GFI1: variants seen among roughly 807,000 people sequenced by gnomAD.
The protein encoded by GFI1 is growth factor independent 1 transcriptional repressor.
In GFI1, 15 loss-of-function variants were observed where a neutral mutation model predicts 39.2. The observed-to-expected ratio is 0.38, with a 90% CI of 0.26 to 0.59. The LOEUF is 0.59. Among genes scored for constraint, GFI1 ranks in the 20% least tolerant of loss-of-function variants. The pLI is 0.62. For missense variants in GFI1, 475 were observed against 574.0 expected (o/e 0.83, Z 1.76); for synonymous variants, 239 against 254.3 (o/e 0.94, Z 0.57).
At position 92,480,553 on chromosome 1, in the gene GFI1, G is replaced by T; in HGVS notation, c.786+48C>A. 6.5e-7 allele frequency: 1 copy of T among 1,543,378 alleles called. No individual in the cohort carries two copies. Among genetic ancestry groups the T allele is most frequent in the South Asian group, 1.2e-5 (1 of 83,984 alleles). ...GCGGGGCGCAGGCGAGGCGCGGGTAGGGGAAGCGGGCGCACGGCAGGCGAG... is the reference window on the plus strand; with the variant it reads ...GCGGGGCGCAGGCGAGGCGCGGGTATGGGAAGCGGGCGCACGGCAGGCGAG... On this transcript the variant is annotated intron_variant, in intron 4 of 6. Coordinates refer to ENST00000294702, the MANE Select transcript of GFI1 (RefSeq NM_005263.5). This position sits in a 1 kb window ranked among gnomAD's most constrained non-coding sequence, Gnocchi z 5.6.
Position 92,473,332 on chromosome 1 carries a change from C to T in GFI1, c.*2697G>A, listed in dbSNP as rs762806579. On this transcript the variant is annotated 3_prime_UTR_variant, in exon 7 of 7. Transcript: ENST00000294702. The stretch of plus-strand genomic sequence containing the variant: ...CTAGATTTCAATCAGTTCTACTTAC[C>T]CCTCAGTGCAACTTCTTTACTTTTC... 1.3e-5 allele frequency among the ~76,000 whole-genome samples: 2 copies of T among 152,048 alleles called. No individual in the cohort carries two copies. The highest frequency in any genetic ancestry group is 2.9e-5 in the Non-Finnish European group (2 of 68,016).
Position 92,482,947 on chromosome 1 carries a change from G to T in GFI1, c.215C>A (p.Pro72Gln). The T allele has an allele frequency of 6.2e-7, 1 of 1,613,868 alleles. No individual in the cohort carries two copies. Among genetic ancestry groups the T allele is most frequent in the Non-Finnish European group, 8.5e-7 (1 of 1,179,840 alleles). ...TEAPDRASAS[P>Q]DSCEGSVCER... ...GCAGACGCTGCCTTCGCAGCTGTCTGGGGATGCGGAGGCTCTGTCTGGGGC... is the reference window on the plus strand; with the variant it reads ...GCAGACGCTGCCTTCGCAGCTGTCTTGGGATGCGGAGGCTCTGTCTGGGGC... Residue 72 changes from proline to glutamine, a missense_variant, in exon 3 of 7, where the codon CCA becomes CAA. By Grantham distance (76) the Pro-to-Gln change is moderately conservative. This residue lies in a region of GFI1 where 275 missense variants were observed against 275.8 expected (regional missense o/e 1.00). Transcript: ENST00000294702. This position sits in a 1 kb window ranked among gnomAD's most constrained non-coding sequence, Gnocchi z 4.4.
Position 92,473,465 on chromosome 1 carries a change from G to T in GFI1, c.*2564C>A, listed in dbSNP as rs917971316. On this transcript the variant is annotated 3_prime_UTR_variant, in exon 7 of 7. Transcript: ENST00000294702. Reference sequence around the variant, plus strand: ...ATTGTCTCCCAGGACACTAGGAAGTGGTTCCTGGACGCTGCAACTGTTCAT... The same window carrying T: ...ATTGTCTCCCAGGACACTAGGAAGTTGTTCCTGGACGCTGCAACTGTTCAT... Among the ~76,000 whole-genome samples, 1 of 152,172 alleles carries T rather than the reference G, an allele frequency of 6.6e-6. No homozygotes were observed. Among genetic ancestry groups the T allele is most frequent in the African/African-American group, 2.4e-5 (1 of 41,444 alleles).
Position 92,481,195 on chromosome 1 carries a change from C to T in GFI1, c.299-107G>A. 9.9e-7 allele frequency: 1 copy of T among 1,011,650 alleles called. No individual in the cohort carries two copies. The highest frequency in any genetic ancestry group is 1.5e-6 in the Non-Finnish European group (1 of 667,154). The allele number at this position is 1,011,650 out of a possible 1,614,324, so 62.7% of individuals were successfully genotyped here. A position where few individuals can be genotyped will look rare whatever the true frequency, so the allele number is the denominator to read the frequency against. ...TGTTCGCGGACTGCGGGGCACCCAG[C>T]GCTTGTAGAACACTGCGTGCGCCAG... On this transcript the variant is annotated intron_variant, in intron 3 of 6. Transcript: ENST00000294702. This position sits in a 1 kb window ranked among gnomAD's most constrained non-coding sequence, Gnocchi z 4.3.
At position 92,476,067 on chromosome 1, in the gene GFI1, G is replaced by C; in HGVS notation, c.1231C>G (p.Leu411Val). 6.2e-7 allele frequency: 1 copy of C among 1,614,146 alleles called. No individual in the cohort carries two copies. Residue 411 changes from leucine to valine, a missense_variant, in exon 7 of 7, where the codon CTC becomes GTC. Physicochemically the swap from Leu to Val is conservative, Grantham distance 32. Transcript: ENST00000294702. ...TGCTGCGTCTCCCGGTGCCTTCGGA[G>C]GTCCACCTTCCTCTGGAAACCCTTC... ...CGKGFQRKVD[L>V]RRHRETQHGL...
At chr1:92,485,579 G>C (rs1658490440) in intron 1 of GFI1, among the ~76,000 whole-genome samples, 1 of 152,156 alleles carries the variant, frequency 6.6e-6, no homozygotes, top group Admixed American at 6.5e-5. Context: ...AGGGGCCCCG[G>C]GGCCTGGGCC....
chr1:92,478,214 G>A (rs1378264531), intron 6 of GFI1, among the ~76,000 whole-genome samples: 7 of 152,160 alleles, frequency 4.6e-5, no homozygotes, highest in Non-Finnish European at 8.8e-5. Context: ...AGGTGGTTAG[G>A]GAAAGTCCTC....
chr1:92,482,808 C>G lies in GFI1; in HGVS notation c.298+56G>C. 7.1e-7 allele frequency: 1 copy of G among 1,404,754 alleles called. No homozygotes were observed. The highest frequency in any genetic ancestry group is 1.0e-6 in the Non-Finnish European group (1 of 990,592). 87.0% of individuals were successfully genotyped at this position (1,404,754 alleles called of 1,614,324 possible). A position where few individuals can be genotyped will look rare whatever the true frequency, so the allele number is the denominator to read the frequency against. On this transcript the variant is annotated intron_variant, in intron 3 of 6. Transcript: ENST00000294702. The surrounding 1 kb of genome is among the most constrained non-coding windows in gnomAD (Gnocchi z 4.4). The stretch of plus-strand genomic sequence containing the variant: ...CGCCCAAGGTCGCGCCAATTCCCCC[C>G]CAGCACTGCCGGGTCCCTGCAGCTC...
chr1:92,473,111 C>G lies in GFI1; in HGVS notation c.*2918G>C, dbSNP rs1657804191. On this transcript the variant is annotated 3_prime_UTR_variant, in exon 7 of 7. Coordinates refer to ENST00000294702, the MANE Select transcript of GFI1 (RefSeq NM_005263.5). ...AGAGATATTTGCAATCTTCAAATTT[C>G]ACACGGTAACAGGCACAGTAATTTG... 6.7e-6 allele frequency among the ~76,000 whole-genome samples: 1 copy of G among 149,888 alleles called. No homozygotes were observed. The highest frequency in any genetic ancestry group is 2.1e-4 in the South Asian group (1 of 4,744).
Position 92,484,820 on chromosome 1 carries a change from C to T in GFI1, c.-99-1234G>A, listed in dbSNP as rs1658450366. 1 of 152,382 alleles carries T rather than the reference C, an allele frequency of 6.6e-6. No individual in the cohort carries two copies. Among genetic ancestry groups the T allele is most frequent in the African/African-American group, 2.4e-5 (1 of 41,464 alleles). The allele number at this position is 152,382 out of a possible 1,614,324, so 9.4% of individuals were successfully genotyped here. A position where few individuals can be genotyped will look rare whatever the true frequency, so the allele number is the denominator to read the frequency against. On this transcript the variant is annotated intron_variant, in intron 1 of 6. Transcript: ENST00000294702. This position sits in a 1 kb window ranked among gnomAD's most constrained non-coding sequence, Gnocchi z 4.1. ...GTGAAGGCGATGGTGACCGGGTTCA[C>T]ACGTGAGCTGCAGTACAGCAGTTCT... is the stretch of plus-strand genomic sequence containing the variant.
At position 92,482,873 on chromosome 1, in the gene GFI1, C is replaced by T. The variant is rs771344042; in HGVS notation, c.289G>A (p.Ala97Thr). ...EDFWRPPSPS[A>T]SPASEKSMCP... ...CCCAGTGGGTTCCTACCTGGAGACG[C>T]GGAGGGTGACGGGGGCCTCCAGAAG... is the stretch of plus-strand genomic sequence containing the variant. Residue 97 changes from alanine to threonine, a missense_variant, in exon 3 of 7, where the codon GCG becomes ACG. Physicochemically the swap from Ala to Thr is moderately conservative, Grantham distance 58. Around this residue, in one of 4 missense-constraint regions of GFI1, gnomAD observed 275 missense variants for 275.8 expected, o/e 1.00. Coordinates refer to ENST00000294702, the MANE Select transcript of GFI1 (RefSeq NM_005263.5). This position sits in a 1 kb window ranked among gnomAD's most constrained non-coding sequence, Gnocchi z 4.4. 5.0e-6 allele frequency: 8 copies of T among 1,613,830 alleles called. No homozygotes were observed. The highest frequency in any genetic ancestry group is 5.9e-6 in the Non-Finnish European group (7 of 1,179,856).
Position 92,482,746 on chromosome 1 carries a change from C to T in GFI1, c.298+118G>A. ...TTCCCCTACGAATCAGCTCCCTTCT[C>T]CCGGAAAGACTCTCCAACTCCCCGT... is the stretch of plus-strand genomic sequence containing the variant. On this transcript the variant is annotated intron_variant, in intron 3 of 6. Transcript: ENST00000294702. This position sits in a 1 kb window ranked among gnomAD's most constrained non-coding sequence, Gnocchi z 4.4. 1.2e-6 allele frequency: 1 copy of T among 817,102 alleles called. No homozygotes were observed. Among genetic ancestry groups the T allele is most frequent in the South Asian group, 1.4e-5 (1 of 69,732 alleles). The allele number at this position is 817,102 out of a possible 1,614,324, so 50.6% of individuals were successfully genotyped here. A position where few individuals can be genotyped will look rare whatever the true frequency, so the allele number is the denominator to read the frequency against.
At position 92,480,243 on chromosome 1, in the gene GFI1, G is replaced by A. The variant is rs1045645311; in HGVS notation, c.924+105C>T. 246 of 1,267,918 alleles carry A rather than the reference G, an allele frequency of 1.9e-4. No individual in the cohort carries two copies. The highest frequency in any genetic ancestry group is 2.6e-4 in the Middle Eastern group (1 of 3,882). 78.5% of individuals were successfully genotyped at this position (1,267,918 alleles called of 1,614,324 possible). On this transcript the variant is annotated intron_variant, in intron 5 of 6. Coordinates refer to ENST00000294702, the MANE Select transcript of GFI1 (RefSeq NM_005263.5). The surrounding 1 kb of genome is among the most constrained non-coding windows in gnomAD (Gnocchi z 5.6). Reference sequence around the variant, plus strand: ...GAGGGCTTGGGGGAGGAAACTGGGGGAAGTCGAGGAGAAAACTTCCAGGCA... The same window carrying A: ...GAGGGCTTGGGGGAGGAAACTGGGGAAAGTCGAGGAGAAAACTTCCAGGCA...
chr1:92,483,129 A>G, intron 2 of GFI1, 83 bp from the exon 3 acceptor site: 2 of 1,282,494 alleles, frequency 1.6e-6, no homozygotes, highest in East Asian at 2.5e-5. Flanking sequence ...TCCCCCGACC[A>G]GGGCAGCCGA....
Position 92,483,359 on chromosome 1 carries a change from C to A in GFI1, c.115+14G>T. ...CGGGGGAGCAGCCCCGCCTGGCCCGCGCGCGCCTCGCACCTGCTCGGCTAG... is the reference window on the plus strand; with the variant it reads ...CGGGGGAGCAGCCCCGCCTGGCCCGAGCGCGCCTCGCACCTGCTCGGCTAG... On this transcript the variant is annotated intron_variant, in intron 2 of 6. Coordinates refer to ENST00000294702, the MANE Select transcript of GFI1 (RefSeq NM_005263.5). The A allele has an allele frequency of 6.8e-7, 1 of 1,462,888 alleles. No homozygotes were observed. Among genetic ancestry groups the A allele is most frequent in the Non-Finnish European group, 9.5e-7 (1 of 1,057,200 alleles). 90.6% of individuals were successfully genotyped at this position (1,462,888 alleles called of 1,614,324 possible). A position where few individuals can be genotyped will look rare whatever the true frequency, so the allele number is the denominator to read the frequency against.
At position 92,480,575 on chromosome 1, in the gene GFI1, C is replaced by T; in HGVS notation, c.786+26G>A. ...GTAGGGGAAGCGGGCGCACGGCAGGCGAGGTGGTGAGCTCGGGAGCCTCAC... is the reference window on the plus strand; with the variant it reads ...GTAGGGGAAGCGGGCGCACGGCAGGTGAGGTGGTGAGCTCGGGAGCCTCAC... On this transcript the variant is annotated intron_variant, in intron 4 of 6. Coordinates refer to ENST00000294702, the MANE Select transcript of GFI1 (RefSeq NM_005263.5). The surrounding 1 kb of genome is among the most constrained non-coding windows in gnomAD (Gnocchi z 5.6). The T allele has an allele frequency of 6.5e-7, 1 of 1,541,010 alleles. No homozygotes were observed. The highest frequency in any genetic ancestry group is 8.7e-7 in the Non-Finnish European group (1 of 1,145,908).
rs1270013513 is a variant in GFI1 at position 92,481,658 on chromosome 1, T to C, written c.299-570A>G. Among the ~76,000 whole-genome samples, 1 of 152,124 alleles carries C rather than the reference T, an allele frequency of 6.6e-6. No homozygotes were observed. Among genetic ancestry groups the C allele is most frequent in the Non-Finnish European group, 1.5e-5 (1 of 68,030 alleles). On this transcript the variant is annotated intron_variant, in intron 3 of 6. Coordinates refer to ENST00000294702, the MANE Select transcript of GFI1 (RefSeq NM_005263.5). The surrounding 1 kb of genome is among the most constrained non-coding windows in gnomAD (Gnocchi z 4.3). ...TGCTGTCTGAATAAACCCGAAGGTA[T>C]TAAGATTTCACGAAGTTAAGTGCCC...
chr1:92,484,239 A>G lies in GFI1; in HGVS notation c.-99-653T>C, dbSNP rs547748818. 2.0e-5 allele frequency among the ~76,000 whole-genome samples: 3 copies of G among 152,262 alleles called. No homozygotes were observed. Among genetic ancestry groups the G allele is most frequent in the African/African-American group, 4.8e-5 (2 of 41,552 alleles). The stretch of plus-strand genomic sequence containing the variant: ...AAAGGGACAGGAAAGTGAGGGGAAC[A>G]ACAGACGACCAACCCCCGCCCCAGG... On this transcript the variant is annotated intron_variant, in intron 1 of 6. Transcript: ENST00000294702. The surrounding 1 kb of genome is among the most constrained non-coding windows in gnomAD (Gnocchi z 4.1).
intron 6 of GFI1, among the ~76,000 whole-genome samples, chr1:92,477,311 T>C (rs1658021524): frequency 1.3e-5 from 2 of 152,370 alleles, no homozygotes; most frequent in South Asian, 4.1e-4. Flanking sequence ...ATAAGTGTCC[T>C]GAATACCTTA....
Sources: allele counts gnomAD v4.1 joint callset (sites outside exome capture counted in the v4.1 genomes callset), GRCh38; gene constraint gnomAD v4.1.1; regional missense constraint gnomAD v4.1.1; non-coding constraint Gnocchi (gnomAD v3.1); transcripts MANE v1.5; gene names NCBI Gene and HGNC (gene_info 2026-07-23, HGNC 2026-07-21).